MTPN: variants seen among roughly 807,000 people sequenced by gnomAD.
MTPN encodes granule cell differentiation protein.
In MTPN, 2 loss-of-function variants were observed where a neutral mutation model predicts 13.5. That is an observed-to-expected ratio of 0.15 (90% confidence interval 0.06 to 0.47). MTPN has a LOEUF of 0.47. MTPN is among the 20% of genes least tolerant of loss of function. The probability of loss-of-function intolerance (pLI) is 0.97; values close to 1 mark genes in which losing one functional copy is unlikely to be tolerated. For missense variants in MTPN, 79 were observed against 137.9 expected (o/e 0.57, Z 2.14); for synonymous variants, 46 against 51.7 (o/e 0.89, Z 0.48).
chr7:135,975,037 T>C (rs1378248152), intron 1 of MTPN, among the ~76,000 whole-genome samples: 1 of 152,194 alleles, frequency 6.6e-6, no homozygotes, highest in African/African-American at 2.4e-5. Flanking sequence ...ATAGTCCAAC[T>C]TTCAATACTC....
chr7:135,970,355 G>A lies in MTPN; in HGVS notation c.72+6674C>T, dbSNP rs960253106. On this transcript the variant is annotated intron_variant, in intron 1 of 3. Transcript: ENST00000393085. ...GGGGAGGGGAGATCTTTACCTTTCA[G>A]TCCTAACTGTGGCATTTTAAAATCC... Among the ~76,000 whole-genome samples, 4 of 152,268 alleles carry A rather than the reference G, an allele frequency of 2.6e-5. No individual in the cohort carries two copies. The South Asian group carries it at 8.3e-4, about 32-fold the overall frequency.
chr7:135,976,927 T>TTCCCCC, intron 1 of MTPN, 102 bp downstream of exon 1: 4 of 410,736 alleles, frequency 9.7e-6, no homozygotes, highest in Admixed American at 2.6e-5. Flanking sequence ...AAGTCTCTCC[T>TTCCCCC]CCCGCCCACC....
intron 1 of MTPN, among the ~76,000 whole-genome samples, chr7:135,972,231 G>GCGCGCGCGCACACACA (rs779296906): frequency 8.8e-5 from 11 of 124,714 alleles, no homozygotes; most frequent in African/African-American, 3.0e-4. Flanking sequence ...GCACGCGCGC[G>GCGCGCGCGCACACACA]CACACACACA....
intron 2 of MTPN, among the ~76,000 whole-genome samples, chr7:135,951,294 T>A (rs912944303): frequency 2.0e-5 from 3 of 152,212 alleles, no homozygotes; most frequent in African/African-American, 7.2e-5. Flanking sequence ...GGAAACATAC[T>A]AACCTTCAAT....
chr7:135,954,860 A>G (rs190622845), intron 1 of MTPN, among the ~76,000 whole-genome samples: 1 of 152,264 alleles, frequency 6.6e-6, no homozygotes, highest in Non-Finnish European at 1.5e-5. Flanking sequence ...GGACAATGGC[A>G]TGAACCTGGG....
intron 2 of MTPN, among the ~76,000 whole-genome samples, chr7:135,951,032 A>G (rs1217354785): frequency 1.3e-5 from 2 of 152,214 alleles, no homozygotes; most frequent in African/African-American, 4.8e-5. Flanking sequence ...AAACAGGGGT[A>G]AAACACAGCC....
At chr7:135,933,221 G>A (rs1279128417) in intron 3 of MTPN, among the ~76,000 whole-genome samples, 1 of 151,298 alleles carries the variant, frequency 6.6e-6, no homozygotes, top group African/African-American at 2.4e-5. Context: ...TATTTGCATA[G>A]CTTTAAATAA....
At chr7:135,930,268 G>A (rs963889375) in intron 3 of MTPN, among the ~76,000 whole-genome samples, 3 of 152,174 alleles carry the variant, frequency 2.0e-5, no homozygotes, top group Admixed American at 6.5e-5. Flanking sequence ...TCATGGATGA[G>A]ATGATTAGGA....
intron 1 of MTPN, among the ~76,000 whole-genome samples, chr7:135,976,135 GCA>G (rs1199790331): frequency 6.6e-6 from 1 of 152,134 alleles, no homozygotes; most frequent in Non-Finnish European, 1.5e-5. Context: ...AATTACAAAG[GCA>G]CAGTTTCAGG....
Position 135,977,060 on chromosome 7 carries a change from T to G in MTPN, c.41A>C (p.Asp14Ala). 6.2e-7 allele frequency: 1 copy of G among 1,614,032 alleles called. No individual in the cohort carries two copies. Among genetic ancestry groups the G allele is most frequent in the Non-Finnish European group, 8.5e-7 (1 of 1,180,010 alleles). Residue 14 changes from aspartate (D) to alanine (A), a missense_variant, in exon 1 of 4, where the codon GAC (aspartate) becomes GCC (alanine). Physicochemically the swap from Asp to Ala is moderately radical, Grantham distance 126. Coordinates refer to ENST00000393085, the MANE Select transcript of MTPN (RefSeq NM_145808.4). ...KEFMWALKNGDLDEVKDYVAK... is the reference protein window; with the variant it reads ...KEFMWALKNGALDEVKDYVAK... ...CACATAGTCTTTCACCTCATCCAAG[T>G]CTCCGTTTTTCAGGGCCCACATGAA...
intron 2 of MTPN, 135 bp from the exon 3 acceptor site, chr7:135,950,817 C>A: frequency 2.8e-6 from 2 of 706,158 alleles, no homozygotes; most frequent in Middle Eastern, 4.1e-4. Context: ...TCCACAGAGT[C>A]AAGTGTCTAG....
rs574027844 is a variant in MTPN, at chr7:135,954,080, G to A, written c.73-2450C>T. Among the ~76,000 whole-genome samples, 30 of 152,240 alleles carry A rather than the reference G, an allele frequency of 2.0e-4. 2 individuals carry two copies. The South Asian group carries it at 4.8e-3, about 24-fold the overall frequency. On this transcript the variant is annotated intron_variant, in intron 1 of 3. Transcript: ENST00000393085. ...ACTTAGTTGTGGGACCAGAGACCAG[G>A]TACTTTCTAAATTTTGGTTTCCTTA...
intron 1 of MTPN, among the ~76,000 whole-genome samples, chr7:135,951,859 A>G (rs940866741): frequency 1.3e-5 from 2 of 152,228 alleles, no homozygotes; most frequent in Non-Finnish European, 2.9e-5. Context: ...AACAATATAC[A>G]ATAATGATAA....
At chr7:135,963,940 ATGG>A (rs960447598) in intron 1 of MTPN, among the ~76,000 whole-genome samples, 10 of 152,084 alleles carry the variant, frequency 6.6e-5, no homozygotes, top group South Asian at 4.1e-4. Flanking sequence ...CTAATTGAAA[ATGG>A]TGAAGTATTT....
intron 3 of MTPN, among the ~76,000 whole-genome samples, chr7:135,947,195 CT>C (rs1799299311): frequency 6.6e-6 from 1 of 152,090 alleles, no homozygotes; most frequent in Non-Finnish European, 1.5e-5. Flanking sequence ...TCAGTCTTTC[CT>C]TTTGGGTTTA....
intron 1 of MTPN, chr7:135,960,608 T>C (rs1799506742): frequency 6.6e-6 from 1 of 151,918 alleles, no homozygotes; most frequent in Non-Finnish European, 1.5e-5. Flanking sequence ...TGAAAATTCT[T>C]TCCTCTAAAA....
intron 3 of MTPN, among the ~76,000 whole-genome samples, chr7:135,940,176 G>C (rs1799187563): frequency 1.3e-5 from 2 of 152,082 alleles, no homozygotes; most frequent in African/African-American, 4.8e-5. Flanking sequence ...TTCAGAATCT[G>C]AAAACCTTAC....
intron 3 of MTPN, among the ~76,000 whole-genome samples, chr7:135,934,903 C>T (rs527514194): frequency 7.9e-5 from 12 of 152,278 alleles, no homozygotes; most frequent in East Asian, 1.9e-4. Flanking sequence ...ACTTGCTCAA[C>T]GTGCTCTTCC....
chr7:135,944,445 G>GCACCT (rs1259629075), intron 3 of MTPN, among the ~76,000 whole-genome samples: 4 of 152,118 alleles, frequency 2.6e-5, no homozygotes, highest in Non-Finnish European at 5.9e-5. Context: ...GGAGGCCGAG[G>GCACCT]CAGGCGGATC....
Sources: allele counts gnomAD v4.1 joint callset (sites outside exome capture counted in the v4.1 genomes callset), GRCh38; gene constraint gnomAD v4.1.1; transcripts MANE v1.5; gene names NCBI Gene and HGNC (gene_info 2026-07-23, HGNC 2026-07-21).